LRIF1: variants seen among roughly 807,000 people sequenced by gnomAD.
LRIF1 encodes the protein ligand dependent nuclear receptor interacting factor 1.
A neutral mutation model predicts 52.7 loss-of-function variants in LRIF1; 32 were observed. The observed-to-expected ratio is 0.61, with a 90% CI of 0.46 to 0.82. LRIF1 has a LOEUF of 0.82. LRIF1 is among the 40% of genes least tolerant of loss of function. LRIF1 has a pLI of 0.00. For missense variants in LRIF1, 887 were observed against 892.0 expected (o/e 0.99, Z 0.07); for synonymous variants, 323 against 317.4 (o/e 1.02, Z -0.19).
chr1:110,891,426 G>A, the LRIF1 span: 1 of 1,613,916 alleles, frequency 6.2e-7, no homozygotes, highest in Non-Finnish European at 8.5e-7. Context: ...TGAGTAGCTT[G>A]AAACTGCTGA....
In LRIF1 at chr1:110,960,901, A is replaced by C. The variant is rs188862755; in HGVS notation, c.68+2720T>G. 4.6e-5 allele frequency among the ~76,000 whole-genome samples: 7 copies of C among 152,312 alleles called. No homozygotes were observed. The East Asian group carries it at 1.3e-3, about 29-fold the overall frequency. On this transcript the variant is annotated intron_variant, in intron 1 of 3. Coordinates refer to ENST00000369763, the MANE Select transcript of LRIF1 (RefSeq NM_018372.4). ...AAATCCAGACTGCCAACGTTATCTAAAATGTACACCTGTGTCAGTCTTTTT... is the reference window on the plus strand; with the variant it reads ...AAATCCAGACTGCCAACGTTATCTACAATGTACACCTGTGTCAGTCTTTTT...
At chr1:110,953,737 T>C (rs536156442) in intron 1 of LRIF1, among the ~76,000 whole-genome samples, 11 of 152,334 alleles carry the variant, frequency 7.2e-5, no homozygotes, top group East Asian at 1.9e-4. Context: ...CTGGGAAATA[T>C]TGAGCTTTCA....
chr1:110,955,165 T>C (rs1488737002), intron 1 of LRIF1, among the ~76,000 whole-genome samples: 1 of 152,208 alleles, frequency 6.6e-6, no homozygotes, highest in Non-Finnish European at 1.5e-5. Context: ...CTGCAGGGTT[T>C]TCTTTGCTAA....
At chr1:110,892,207 T>G in the LRIF1 span, 1 of 720,050 alleles carries the variant, frequency 1.4e-6, no homozygotes, top group East Asian at 2.6e-5. Flanking sequence ...TGGAAAAGTT[T>G]GGTAAAGAAA....
downstream of LRIF1, among the ~76,000 whole-genome samples, chr1:110,942,674 G>C (rs1251599692): frequency 6.6e-6 from 1 of 152,072 alleles, no homozygotes; most frequent in African/African-American, 2.4e-5. Context: ...CGAGACAAAG[G>C]AAAAATTAAG....
chr1:110,956,185 C>T (rs184668554), intron 1 of LRIF1, among the ~76,000 whole-genome samples: 1 of 152,128 alleles, frequency 6.6e-6, no homozygotes, highest in Non-Finnish European at 1.5e-5. Flanking sequence ...GTAAACTGAC[C>T]ACAGAAGATA....
the LRIF1 span, chr1:110,938,953 T>C: frequency 2.0e-5 from 1 of 50,246 alleles, no homozygotes; most frequent in African/African-American, 7.3e-5. Context: ...CCATTTACGA[T>C]AGCTACAAAT....
At chr1:110,884,880 T>C in the LRIF1 span, among the ~76,000 whole-genome samples, 1 of 152,158 alleles carries the variant, frequency 6.6e-6, no homozygotes, top group Admixed American at 6.5e-5. Context: ...AATTGGGTCT[T>C]GTTTTTTCAA....
the LRIF1 span, among the ~76,000 whole-genome samples, chr1:110,930,766 C>T: frequency 1.3e-5 from 2 of 152,198 alleles, no homozygotes; most frequent in Admixed American, 1.3e-4. Context: ...CACAAAAAAT[C>T]TTTCATTATG....
At chr1:110,892,627 G>A in the LRIF1 span, 1 of 1,022,262 alleles carries the variant, frequency 9.8e-7, no homozygotes, top group South Asian at 1.5e-5. Context: ...TATAGGCACA[G>A]AAAGATCATA....
chr1:110,901,060 T>A, the LRIF1 span, among the ~76,000 whole-genome samples: 10 of 152,290 alleles, frequency 6.6e-5, no homozygotes, highest in Middle Eastern at 3.4e-3. Flanking sequence ...TTTAAAAAAA[T>A]TAGTATTTCA....
the LRIF1 span, among the ~76,000 whole-genome samples, chr1:110,895,902 T>A: frequency 6.6e-6 from 1 of 152,192 alleles, no homozygotes; most frequent in Admixed American, 6.5e-5. Context: ...CCACTAAATA[T>A]AAAAGAACTT....
chr1:110,899,731 T>C, the LRIF1 span: 1 of 154,842 alleles, frequency 6.5e-6, no homozygotes, highest in Non-Finnish European at 1.4e-5. Flanking sequence ...TTTCAATTTC[T>C]TTATTAGAGG....
the LRIF1 span, among the ~76,000 whole-genome samples, chr1:110,894,012 A>G: frequency 6.6e-6 from 1 of 152,172 alleles, no homozygotes; most frequent in Non-Finnish European, 1.5e-5. Context: ...CTTTTGCTTA[A>G]CTGCTTCAAT....
chr1:110,888,228 G>A, the LRIF1 span, among the ~76,000 whole-genome samples: 1 of 152,182 alleles, frequency 6.6e-6, no homozygotes, highest in Non-Finnish European at 1.5e-5. Flanking sequence ...GCTAAGGCAC[G>A]AAGTTTGTGG....
the LRIF1 span, among the ~76,000 whole-genome samples, chr1:110,889,954 A>G: frequency 1.3e-5 from 2 of 152,252 alleles, no homozygotes; most frequent in African/African-American, 2.4e-5. Context: ...GGAAAAGAGC[A>G]CAAAGTAAAG....
At chr1:110,887,635 A>G in the LRIF1 span, among the ~76,000 whole-genome samples, 1 of 152,220 alleles carries the variant, frequency 6.6e-6, no homozygotes, top group African/African-American at 2.4e-5. Flanking sequence ...TGGGTAGAAC[A>G]GTGTTCAGTC....
the LRIF1 span, among the ~76,000 whole-genome samples, chr1:110,876,713 C>A: frequency 9.2e-5 from 14 of 152,074 alleles, no homozygotes; most frequent in Non-Finnish European, 2.9e-5. Flanking sequence ...ACATAGAAGA[C>A]AAATTGTAAT....
chr1:110,925,211 C>G, the LRIF1 span, among the ~76,000 whole-genome samples: 28 of 152,244 alleles, frequency 1.8e-4, no homozygotes, highest in African/African-American at 6.7e-4. Flanking sequence ...TGTGGGTGAG[C>G]TTCATCCAAT....
Sources: allele counts gnomAD v4.1 joint callset (sites outside exome capture counted in the v4.1 genomes callset), GRCh38; gene constraint gnomAD v4.1.1; transcripts MANE v1.5; gene names NCBI Gene and HGNC (gene_info 2026-07-23, HGNC 2026-07-21).